The following HIVEP2 variants were observed in gnomAD, a reference collection of about 807,000 sequenced individuals.
HIVEP2 encodes transcription factor HIVEP2.
Under a neutral mutation model 180.7 loss-of-function variants are expected in HIVEP2, and 14 were observed. The observed-to-expected ratio is 0.08, with a 90% CI of 0.05 to 0.12. The LOEUF is 0.12. HIVEP2 is among the 10% of genes least tolerant of loss of function. HIVEP2 has a pLI of 1.00. For missense variants in HIVEP2, 2,579 were observed against 3,008.5 expected (o/e 0.86, Z 3.34); for synonymous variants, 1,184 against 1,136.4 (o/e 1.04, Z -0.84).
chr6:142,916,716 A>T (rs1280695190), intron 1 of HIVEP2, among the ~76,000 whole-genome samples: 1 of 152,206 alleles, frequency 6.6e-6, no homozygotes. Context: ...ATAATTCTAC[A>T]GCTGTATGAT....
intron 1 of HIVEP2, among the ~76,000 whole-genome samples, chr6:142,910,292 T>G (rs1777369475): frequency 6.6e-6 from 1 of 152,188 alleles, no homozygotes; most frequent in Non-Finnish European, 1.5e-5. Flanking sequence ...CCCACTCTTC[T>G]CTCATTCTCT....
At chr6:142,823,378 C>G (rs1229280814) in intron 2 of HIVEP2, among the ~76,000 whole-genome samples, 1 of 152,232 alleles carries the variant, frequency 6.6e-6, no homozygotes, top group African/African-American at 2.4e-5. Context: ...GGAAATGCTT[C>G]TCTTGCCCAA....
At chr6:142,808,834 G>C (rs1222644685) in intron 2 of HIVEP2, among the ~76,000 whole-genome samples, 3 of 152,004 alleles carry the variant, frequency 2.0e-5, no homozygotes, top group Admixed American at 2.0e-4. Flanking sequence ...ATGGATGGTG[G>C]AGGACCTCAT....
Position 142,927,060 on chromosome 6 carries a change from CCGGCG to C in HIVEP2, c.-641+18034_-641+18038del, listed in dbSNP as rs1777836339. On this transcript the variant is annotated intron_variant, in intron 1 of 9. Transcript: ENST00000367603. ...GGGCTCCCCTCTCCCGCTGGCGCTC[CCGGCG>C]CCTCCGTCCCCGGCCGGCCCAGCGC... Among the ~76,000 whole-genome samples, 6 of 151,678 alleles carry C rather than the reference CCGGCG, an allele frequency of 4.0e-5. No individual in the cohort carries two copies. In the South Asian group the frequency reaches 1.2e-3, roughly 31 times the overall value.
At chr6:142,923,134 A>AC in intron 1 of HIVEP2, among the ~76,000 whole-genome samples, 1 of 152,268 alleles carries the variant, frequency 6.6e-6, no homozygotes, top group Non-Finnish European at 1.5e-5. Flanking sequence ...GGAGTTCAAG[A>AC]CCAGCCTGGC....
chr6:142,927,434 A>G (rs1777845351), intron 1 of HIVEP2, among the ~76,000 whole-genome samples: 1 of 152,190 alleles, frequency 6.6e-6, no homozygotes, highest in Non-Finnish European at 1.5e-5. Flanking sequence ...AATTCCGTAA[A>G]TAACTGTCAG....
At chr6:142,807,926 C>CATCCACATA (rs2114782618) in intron 2 of HIVEP2, among the ~76,000 whole-genome samples, 1 of 152,320 alleles carries the variant, frequency 6.6e-6, no homozygotes, top group East Asian at 1.9e-4. Context: ...GGCTCTTCCT[C>CATCCACATA]ATCCACATAA....
intron 1 of HIVEP2, among the ~76,000 whole-genome samples, chr6:142,900,691 G>C (rs1777114076): frequency 6.6e-6 from 1 of 152,154 alleles, no homozygotes; most frequent in South Asian, 2.1e-4. Context: ...CTTCCTTTCT[G>C]GAGAGAGAAG....
intron 1 of HIVEP2, among the ~76,000 whole-genome samples, chr6:142,931,350 A>C (rs7756140): frequency 0.7 from 106,130 of 151,358 alleles, 37,716 homozygotes; most frequent in African/African-American, 0.82. Context: ...AAGTACTTCC[A>C]AATATTCTGT....
chr6:142,897,569 T>C (rs748984971), intron 1 of HIVEP2, among the ~76,000 whole-genome samples: 1 of 152,150 alleles, frequency 6.6e-6, no homozygotes, highest in Non-Finnish European at 1.5e-5. Context: ...TGACATACCA[T>C]GGAGTGAAAT....
In HIVEP2 at chr6:142,773,074, A is replaced by G. The variant is rs915132439; in HGVS notation, c.1665T>C (p.Thr555=). The G allele has an allele frequency of 7.4e-6, 12 of 1,614,126 alleles. No individual in the cohort carries two copies. The highest frequency in any genetic ancestry group is 1.6e-4 in the Middle Eastern group (1 of 6,084). Reference sequence around the variant, plus strand: ...GACTTCCTCTCAAAGAAGGAGGAATAGTTAGATTAGTTGCTGAAGAAGTTG... The same window carrying G: ...GACTTCCTCTCAAAGAAGGAGGAATGGTTAGATTAGTTGCTGAAGAAGTTG... ...SVPTSSATNL[T]IPPSLRGSHS... Residue 555 remains threonine, a synonymous_variant, in exon 5 of 10, where the codon ACT becomes ACC. Coordinates refer to ENST00000367603, the MANE Select transcript of HIVEP2 (RefSeq NM_006734.4).
At position 142,829,349 on chromosome 6, in the gene HIVEP2, G is replaced by A. The variant is rs148040154; in HGVS notation, c.-528+7586C>T. 7.9e-3 allele frequency among the ~76,000 whole-genome samples: 1,194 copies of A among 151,902 alleles called. 16 individuals carry two copies. Among genetic ancestry groups the A allele is most frequent in the African/African-American group, 0.027 (1,124 of 41,410 alleles). Reference sequence around the variant, plus strand: ...AACTTTATCCATCCCAACACTTTACGTAGGTGAATATCATTCTCGCCACCT... The same window carrying A: ...AACTTTATCCATCCCAACACTTTACATAGGTGAATATCATTCTCGCCACCT... On this transcript the variant is annotated intron_variant, in intron 2 of 9. Transcript: ENST00000367603.
chr6:142,875,480 G>A (rs933213701), intron 1 of HIVEP2, among the ~76,000 whole-genome samples: 2 of 152,150 alleles, frequency 1.3e-5, no homozygotes, highest in Admixed American at 6.5e-5. Flanking sequence ...TATTTAATAG[G>A]CTACTCTGGG....
At position 142,768,405 on chromosome 6, in the gene HIVEP2, G is replaced by T; in HGVS notation, c.5319C>A (p.Ile1773=). The change falls in exon 6 of 10, where the codon ATC becomes ATA. Residue 1773 remains isoleucine, a synonymous_variant. Coordinates refer to ENST00000367603, the MANE Select transcript of HIVEP2 (RefSeq NM_006734.4). ...KDIGSKQTEP[I]RIKIFEGGYK... Reference sequence around the variant, plus strand: ...ACCCTCCTTCAAATATTTTAATTCGGATTGGCTCAGTTTGTTTGGATCCAA... The same window carrying T: ...ACCCTCCTTCAAATATTTTAATTCGTATTGGCTCAGTTTGTTTGGATCCAA... The T allele has an allele frequency of 6.2e-7, 1 of 1,610,210 alleles. No individual in the cohort carries two copies. The highest frequency in any genetic ancestry group is 1.1e-5 in the South Asian group (1 of 90,418).
chr6:142,772,679 A>G lies in HIVEP2; in HGVS notation c.2060T>C (p.Met687Thr). 6.2e-7 allele frequency: 1 copy of G among 1,614,202 alleles called. No homozygotes were observed. Among genetic ancestry groups the G allele is most frequent in the Non-Finnish European group, 8.5e-7 (1 of 1,180,040 alleles). ...PVVPLQGVPS[M>T]FGTTCENRKR... ...CCTGTTTTCACAGGTAGTTCCAAACATGCTTGGTACTCCCTGCAATGGCAC... is the reference window on the plus strand; with the variant it reads ...CCTGTTTTCACAGGTAGTTCCAAACGTGCTTGGTACTCCCTGCAATGGCAC... The change falls in exon 5 of 10, where the codon ATG (methionine) becomes ACG (threonine). Residue 687 changes from methionine to threonine, a missense_variant. Transcript: ENST00000367603. This position sits in a 1 kb window ranked among gnomAD's most constrained non-coding sequence, Gnocchi z 4.9.
chr6:142,938,287 CAATT>C (rs1448969415), intron 1 of HIVEP2, among the ~76,000 whole-genome samples: 1 of 152,184 alleles, frequency 6.6e-6, no homozygotes, highest in African/African-American at 2.4e-5. Flanking sequence ...AATTTTCTAA[CAATT>C]AAGCAGTATA....
chr6:142,801,427 A>G (rs1223080111), intron 2 of HIVEP2, among the ~76,000 whole-genome samples: 3 of 151,814 alleles, frequency 2.0e-5, no homozygotes, highest in Admixed American at 6.6e-5. Flanking sequence ...AAAAAAAAAA[A>G]AAAAAAATTC....
intron 1 of HIVEP2, among the ~76,000 whole-genome samples, chr6:142,920,427 T>C (rs1777657467): frequency 6.6e-6 from 1 of 152,080 alleles, no homozygotes; most frequent in Non-Finnish European, 1.5e-5. Flanking sequence ...AGATCACAGG[T>C]ATGTATTAAA....
chr6:142,920,264 CTTAT>C (rs1417102662), intron 1 of HIVEP2, among the ~76,000 whole-genome samples: 1 of 152,194 alleles, frequency 6.6e-6, no homozygotes, highest in Non-Finnish European at 1.5e-5. Context: ...TATTCTGCTA[CTTAT>C]TTGTCACTCA....
Sources: allele counts gnomAD v4.1 joint callset (sites outside exome capture counted in the v4.1 genomes callset), GRCh38; gene constraint gnomAD v4.1.1; non-coding constraint Gnocchi (gnomAD v3.1); transcripts MANE v1.5; gene names NCBI Gene and HGNC (gene_info 2026-07-23, HGNC 2026-07-21).